The following BTRC variants were observed in gnomAD, a reference collection of about 807,000 sequenced individuals.
The protein encoded by BTRC is beta-transducin repeat containing E3 ubiquitin protein ligase.
In BTRC, 42 loss-of-function variants were observed where a neutral mutation model predicts 85.5. The ratio of observed to expected loss-of-function variants is 0.49; its 90% CI spans 0.38 to 0.64. The LOEUF is 0.64. BTRC is among the 30% of genes least tolerant of loss of function. The pLI, the probability that BTRC is intolerant of heterozygous loss-of-function variation, is 0.00. For synonymous variants in BTRC, 255 were observed against 263.3 expected, an observed-to-expected ratio of 0.97 and a Z score of 0.30; for missense variants, 594 against 743.5, an observed-to-expected ratio of 0.80 and a Z score of 2.34.
intron 4 of BTRC, among the ~76,000 whole-genome samples, chr10:101,507,341 T>C (rs576231845): frequency 6.6e-6 from 1 of 152,370 alleles, no homozygotes; most frequent in African/African-American, 2.4e-5. Flanking sequence ...GTTTCTCCTA[T>C]TATATTTATC....
intron 1 of BTRC, among the ~76,000 whole-genome samples, chr10:101,375,298 G>T (rs1450174428): frequency 6.6e-6 from 1 of 151,674 alleles, no homozygotes; most frequent in Non-Finnish European, 1.5e-5. Context: ...TCTTCTTCCT[G>T]CTTCGGCCAT....
chr10:101,486,672 T>G (rs888578779), intron 4 of BTRC, among the ~76,000 whole-genome samples: 2 of 152,220 alleles, frequency 1.3e-5, no homozygotes, highest in African/African-American at 4.8e-5. Context: ...TAAAATGCTG[T>G]TCAGGCAGGG....
intron 3 of BTRC, among the ~76,000 whole-genome samples, chr10:101,476,343 C>T (rs1238687072): frequency 6.6e-6 from 1 of 152,048 alleles, no homozygotes; most frequent in Non-Finnish European, 1.5e-5. Flanking sequence ...CTGGTGAAAC[C>T]TGAGTAAGTT....
At chr10:101,384,656 T>G (rs1474815619) in intron 1 of BTRC, among the ~76,000 whole-genome samples, 1 of 152,204 alleles carries the variant, frequency 6.6e-6, no homozygotes, top group African/African-American at 2.4e-5. Flanking sequence ...TCCAGCCAAT[T>G]AGCAGTAGGA....
intron 4 of BTRC, among the ~76,000 whole-genome samples, chr10:101,487,034 T>G (rs1946007655): frequency 1.3e-5 from 2 of 152,208 alleles, no homozygotes; most frequent in African/African-American, 4.8e-5. Context: ...TCATTTAAAT[T>G]TATACTTGTG....
At chr10:101,415,170 AT>A (rs1476868654) in intron 1 of BTRC, among the ~76,000 whole-genome samples, 5 of 143,786 alleles carry the variant, frequency 3.5e-5, no homozygotes, top group African/African-American at 8.4e-5. Context: ...TAGGTGTACC[AT>A]TTTTTATCTT....
chr10:101,508,038 A>C (rs1413309822), intron 4 of BTRC, among the ~76,000 whole-genome samples: 1 of 152,242 alleles, frequency 6.6e-6, no homozygotes, highest in African/African-American at 2.4e-5. Flanking sequence ...TGAGGGGGCC[A>C]ATAAAGAAGC....
intron 2 of BTRC, among the ~76,000 whole-genome samples, chr10:101,454,853 G>GT (rs1277627736): frequency 6.6e-6 from 1 of 152,074 alleles, no homozygotes; most frequent in Non-Finnish European, 1.5e-5. Flanking sequence ...GAAGAAACTT[G>GT]CTTAACTGGG....
chr10:101,514,294 C>T (rs2061993932), intron 4 of BTRC, among the ~76,000 whole-genome samples: 1 of 151,978 alleles, frequency 6.6e-6, no homozygotes. Flanking sequence ...TTGCCTATTC[C>T]AAGAACGTCA....
intron 1 of BTRC, among the ~76,000 whole-genome samples, chr10:101,391,311 A>G (rs1360350503): frequency 6.6e-6 from 1 of 152,168 alleles, no homozygotes; most frequent in Admixed American, 6.5e-5. Context: ...TTTGAAATTT[A>G]TTACTTTGGA....
intron 4 of BTRC, among the ~76,000 whole-genome samples, chr10:101,501,756 T>C (rs11814460): frequency 0.32 from 48,860 of 152,044 alleles, 10,127 homozygotes; most frequent in East Asian, 0.66. Flanking sequence ...TATTTCATGC[T>C]CTAAGAAAAG....
intron 1 of BTRC, among the ~76,000 whole-genome samples, chr10:101,369,639 A>C (rs926119570): frequency 2.4e-4 from 36 of 152,102 alleles, no homozygotes; most frequent in Admixed American, 2.6e-4. Context: ...GCTCATTGCT[A>C]TTGGGGTGTC....
At chr10:101,387,528 C>CTTTTTTTTTTTTTGTTTT (rs1943112211) in intron 1 of BTRC, among the ~76,000 whole-genome samples, 1 of 45,122 alleles carries the variant, frequency 2.2e-5, no homozygotes, top group Non-Finnish European at 3.4e-5. Flanking sequence ...CTTCATGGGA[C>CTTTTTTTTTTTTTGTTTT]TTTTTTTTTT....
intron 1 of BTRC, among the ~76,000 whole-genome samples, chr10:101,358,946 C>T (rs1051277563): frequency 6.6e-6 from 1 of 152,066 alleles, no homozygotes; most frequent in African/African-American, 2.4e-5. Context: ...GACTTGCTAC[C>T]GTAGGTGCTA....
intron 1 of BTRC, among the ~76,000 whole-genome samples, chr10:101,378,037 T>A (rs1444435305): frequency 1.3e-5 from 2 of 152,154 alleles, no homozygotes; most frequent in Non-Finnish European, 2.9e-5. Context: ...GTGAACAAGA[T>A]CATGATCTAC....
At chr10:101,543,596 T>C (rs778188855) in intron 13 of BTRC, among the ~76,000 whole-genome samples, 2 of 150,634 alleles carry the variant, frequency 1.3e-5, no homozygotes, top group Non-Finnish European at 2.9e-5. Context: ...TTTTGTTTGT[T>C]ACCTCCTGTT....
intron 2 of BTRC, among the ~76,000 whole-genome samples, chr10:101,457,939 G>A (rs2134159405): frequency 1.3e-5 from 2 of 152,108 alleles, no homozygotes; most frequent in Middle Eastern, 3.4e-3. Context: ...TACCATATTT[G>A]TATTATATCT....
At position 101,490,495 on chromosome 10, in the gene BTRC, A is replaced by AATTT. The variant is rs1946102761; in HGVS notation, c.324+11039_324+11040insTTTA. On this transcript the variant is annotated intron_variant, in intron 4 of 14. Transcript: ENST00000370187. ...ACCTTTTCCAAATTTTCACATCTTT[A>AATTT]AATGATAGAGTCAAGTTTTGAACTA... Among the ~76,000 whole-genome samples the AATTT allele has an allele frequency of 2.6e-4, 40 of 152,302 alleles. No homozygotes were observed. In the South Asian group the frequency reaches 8.1e-3, roughly 31 times the overall value.
chr10:101,442,859 T>G lies in BTRC; in HGVS notation c.156+12407T>G, dbSNP rs1345232949. 2.6e-5 allele frequency among the ~76,000 whole-genome samples: 4 copies of G among 151,580 alleles called. No homozygotes were observed. In the East Asian group the frequency reaches 5.9e-4, roughly 22 times the overall value. On this transcript the variant is annotated intron_variant, in intron 2 of 14. Transcript: ENST00000370187. ...TATGCTTATATTAATTATAGCAGTA[T>G]CAAAGTAAGTTGTACAGATCTCACT...
Sources: gnomAD v4.1 joint callset for allele counts (sites outside exome capture counted in the v4.1 genomes callset) on GRCh38, gnomAD v4.1.1 for gene constraint, MANE v1.5 for transcripts, NCBI Gene and HGNC (gene_info 2026-07-23, HGNC 2026-07-21) for gene names.